PPP6C: variants seen among roughly 807,000 people sequenced by gnomAD.
PPP6C encodes serine/threonine-protein phosphatase 6 catalytic subunit.
PPP6C carries 11 observed loss-of-function variants against 39.8 expected under a neutral mutation model. The ratio of observed to expected loss-of-function variants is 0.28; its 90% CI spans 0.17 to 0.46. PPP6C has a LOEUF of 0.46. Among genes scored for constraint, PPP6C ranks in the 20% least tolerant of loss-of-function variants. PPP6C has a pLI of 1.00. For synonymous variants in PPP6C, 129 were observed against 130.3 expected, an observed-to-expected ratio of 0.99 and a Z score of 0.07; for missense variants, 211 against 373.9, an observed-to-expected ratio of 0.56 and a Z score of 3.59.
At chr9:125,187,440 T>C (rs1253372064) in intron 1 of PPP6C, among the ~76,000 whole-genome samples, 1 of 151,662 alleles carries the variant, frequency 6.6e-6, no homozygotes, top group Non-Finnish European at 1.5e-5. Flanking sequence ...CCTACCACCA[T>C]GCTCGGCTAA....
chr9:125,188,878 C>A, intron 1 of PPP6C: 1 of 1,499,664 alleles, frequency 6.7e-7, no homozygotes, highest in Non-Finnish European at 9.0e-7. Flanking sequence ...CCCATACATA[C>A]ATTTACTCTT....
chr9:125,171,460 TACACAC>T lies in PPP6C; in HGVS notation c.76-286_76-281del, dbSNP rs138335451. 6.3e-4 allele frequency among the ~76,000 whole-genome samples: 60 copies of T among 95,632 alleles called. 1 individual carries two copies. The highest frequency in any genetic ancestry group is 4.8e-3 in the East Asian group (17 of 3,554). The allele number at this position is 95,632 out of a possible 152,430, so 62.7% of individuals were successfully genotyped here. ...TTTTCACCAAACACACACACACATA[TACACAC>T]ACACACACACACATATATATATATA... On this transcript the variant is annotated intron_variant, in intron 1 of 6. Transcript: ENST00000373547.
intron 1 of PPP6C, among the ~76,000 whole-genome samples, chr9:125,179,479 TTCTAA>T (rs1024713352): frequency 6.6e-6 from 1 of 152,058 alleles, no homozygotes; most frequent in African/African-American, 2.4e-5. Context: ...CAGAGTTTTG[TTCTAA>T]CTCCTCTCCA....
chr9:125,152,913 G>GA (rs59385050), intron 6 of PPP6C, among the ~76,000 whole-genome samples: 134 of 141,502 alleles, frequency 9.5e-4, no homozygotes, highest in Middle Eastern at 3.6e-3. Flanking sequence ...AGGTCTTTGA[G>GA]AAAAAAAAAA....
rs1182479998 is a variant in PPP6C at position 125,146,940 on chromosome 9, A to T, written c.*2733T>A. ...CTGGTTCTGGGCTTACAAAGCACAC[A>T]CACACAAATCTTAATGCAATGAACA... is the stretch of plus-strand genomic sequence containing the variant. On this transcript the variant is annotated 3_prime_UTR_variant, in exon 7 of 7. Transcript: ENST00000373547. 1 of 152,212 alleles carries T rather than the reference A, an allele frequency of 6.6e-6. No individual in the cohort carries two copies. Among genetic ancestry groups the T allele is most frequent in the Non-Finnish European group, 1.5e-5 (1 of 68,032 alleles). The allele number at this position is 152,212 out of a possible 1,614,324, so 9.4% of individuals were successfully genotyped here. A position where few individuals can be genotyped will look rare whatever the true frequency, so the allele number is the denominator to read the frequency against.
chr9:125,158,309 G>A lies in PPP6C; in HGVS notation c.311C>T (p.Pro104Leu). The change falls in exon 4 of 7, where the codon CCT (proline) becomes CTT (leucine). Residue 104 changes from proline (P) to leucine (L), a missense_variant. Coordinates refer to ENST00000373547, the MANE Select transcript of PPP6C (RefSeq NM_002721.5). ...TYLLALKAKWPDRITLLRGNH... is the reference protein window; with the variant it reads ...TYLLALKAKWLDRITLLRGNH... ...TCCTCGCAAAAGTGTAATACGATCA[G>A]GCCATTTAGCCTTTAATGCAAGAAG... 6.2e-7 allele frequency: 1 copy of A among 1,611,526 alleles called. No homozygotes were observed. The highest frequency in any genetic ancestry group is 8.5e-7 in the Non-Finnish European group (1 of 1,177,724).
Position 125,172,740 on chromosome 9 carries a change from CACACACACACAA to C in PPP6C, c.76-1572_76-1561del, listed in dbSNP as rs1282130467. On this transcript the variant is annotated intron_variant, in intron 1 of 6. Coordinates refer to ENST00000373547, the MANE Select transcript of PPP6C (RefSeq NM_002721.5). ...ACACAAACACACACACACACACACA[CACACACACACAA>C]ACACACACACACACACACAAACACA... 9.0e-5 allele frequency among the ~76,000 whole-genome samples: 13 copies of C among 144,262 alleles called. 1 individual carries two copies. The South Asian group carries it at 2.3e-3, about 26-fold the overall frequency. The allele number at this position is 144,262 out of a possible 152,430, so 94.6% of individuals were successfully genotyped here.
At chr9:125,158,494 C>G in intron 3 of PPP6C, 112 bp from the exon 4 acceptor site, 1 of 1,071,450 alleles carries the variant, frequency 9.3e-7, no homozygotes, top group Non-Finnish European at 1.3e-6. Flanking sequence ...GAGTTACATA[C>G]TGAATTATTT....
chr9:125,161,604 C>G (rs2131311923), intron 2 of PPP6C, among the ~76,000 whole-genome samples: 1 of 152,176 alleles, frequency 6.6e-6, no homozygotes, highest in South Asian at 2.1e-4. Context: ...CCACCATGCC[C>G]AGCAAATTTT....
chr9:125,172,776 C>A (rs912339985), intron 1 of PPP6C, among the ~76,000 whole-genome samples: 2 of 150,966 alleles, frequency 1.3e-5, no homozygotes, highest in Non-Finnish European at 2.9e-5. Context: ...CACACAAACA[C>A]AAGTAAAACT....
chr9:125,149,546 A>AC lies in PPP6C; in HGVS notation c.*126_*127insG. ...AAATTTAGATAATTTAAAATTTAAA[A>AC]AAAAAAAGGCAAGAGGCAGCATTTC... is the stretch of plus-strand genomic sequence containing the variant. On this transcript the variant is annotated 3_prime_UTR_variant, in exon 7 of 7. Coordinates refer to ENST00000373547, the MANE Select transcript of PPP6C (RefSeq NM_002721.5). 1 of 1,168,738 alleles carries AC rather than the reference A, an allele frequency of 8.6e-7. No individual in the cohort carries two copies. The highest frequency in any genetic ancestry group is 1.2e-6 in the Non-Finnish European group (1 of 845,522). 72.4% of individuals were successfully genotyped at this position (1,168,738 alleles called of 1,614,324 possible). A position where few individuals can be genotyped will look rare whatever the true frequency, so the allele number is the denominator to read the frequency against.
chr9:125,176,644 G>GAGACCC (rs1564156345), intron 1 of PPP6C, among the ~76,000 whole-genome samples: 1 of 151,968 alleles, frequency 6.6e-6, no homozygotes, highest in Non-Finnish European at 1.5e-5. Flanking sequence ...GTCACAGAGC[G>GAGACCC]AGACCCTTTC....
chr9:125,163,448 T>G lies in PPP6C; in HGVS notation c.172-2542A>C, dbSNP rs560714193. 2.3e-4 allele frequency among the ~76,000 whole-genome samples: 35 copies of G among 152,352 alleles called. 1 individual carries two copies. The South Asian group carries it at 6.8e-3, about 30-fold the overall frequency. On this transcript the variant is annotated intron_variant, in intron 2 of 6. Transcript: ENST00000373547. ...ATGTTTTTTTGTTTTGTTTTGTTTT[T>G]TTGAGACAGTCTCACTCTGTTGCCC...
intron 6 of PPP6C, 69 bp from the exon 7 acceptor site, chr9:125,149,990 T>C (rs1835897843): frequency 6.5e-7 from 1 of 1,528,152 alleles, no homozygotes; most frequent in East Asian, 2.3e-5. Context: ...ATCATTTAAA[T>C]AAAATACCAA....
chr9:125,149,800 C>T lies in PPP6C; in HGVS notation c.791G>A (p.Arg264His). ...CATGATCGAAGCAATATTTCCACAA[C>T]GATAGCAGTAATTAGGAGCAGACCA... ...TVWSAPNYCY[R>H]CGNIASIMVF... The change falls in exon 7 of 7, where the codon CGT (arginine) becomes CAT (histidine). Residue 264 changes from arginine (R) to histidine (H), a missense_variant. Coordinates refer to ENST00000373547, the MANE Select transcript of PPP6C (RefSeq NM_002721.5). 1.2e-6 allele frequency: 2 copies of T among 1,614,176 alleles called. No individual in the cohort carries two copies. Among genetic ancestry groups the T allele is most frequent in the Non-Finnish European group, 1.7e-6 (2 of 1,180,036 alleles).
Position 125,153,728 on chromosome 9 carries a change from C to T in PPP6C, c.474G>A (p.Gln158=). 2 of 1,613,730 alleles carry T rather than the reference C, an allele frequency of 1.2e-6. No homozygotes were observed. The highest frequency in any genetic ancestry group is 1.7e-6 in the Non-Finnish European group (2 of 1,180,022). ...ATAAACCACCATGGACACACAAAATCTGCTCATCTATTAACTAGCAAAAAA... is the reference window on the plus strand; with the variant it reads ...ATAAACCACCATGGACACACAAAATTTGCTCATCTATTAACTAGCAAAAAA... ...MLTVAALIDE[Q]ILCVHGGLSP... Residue 158 remains glutamine (Q), a synonymous_variant, in exon 6 of 7, where the codon CAG becomes CAA. Coordinates refer to ENST00000373547, the MANE Select transcript of PPP6C (RefSeq NM_002721.5).
Position 125,157,228 on chromosome 9 carries a change from G to A in PPP6C, c.379+1013C>T, listed in dbSNP as rs566530700. ...ACTCCTGACCTCAGGTGATCCGCCC[G>A]CCTCGGCCTCCCAAAGTGCTGGGAT... On this transcript the variant is annotated intron_variant, in intron 4 of 6. Coordinates refer to ENST00000373547, the MANE Select transcript of PPP6C (RefSeq NM_002721.5). Among the ~76,000 whole-genome samples the A allele has an allele frequency of 1.3e-4, 20 of 149,990 alleles. No homozygotes were observed. The South Asian group carries it at 3.8e-3, about 29-fold the overall frequency.
intron 2 of PPP6C, among the ~76,000 whole-genome samples, chr9:125,163,072 CTG>C (rs1828922809): frequency 6.6e-6 from 1 of 151,398 alleles, no homozygotes; most frequent in African/African-American, 2.4e-5. Context: ...CAGCAAGACT[CTG>C]TCTCAAAAAA....
At chr9:125,168,636 T>C (rs1408752902) in intron 2 of PPP6C, among the ~76,000 whole-genome samples, 2 of 151,960 alleles carry the variant, frequency 1.3e-5, no homozygotes, top group Non-Finnish European at 2.9e-5. Flanking sequence ...TTTTTGTATT[T>C]TTAGTAGAGA....
Sources: gnomAD v4.1 joint callset for allele counts (sites outside exome capture counted in the v4.1 genomes callset) on GRCh38, gnomAD v4.1.1 for gene constraint, MANE v1.5 for transcripts, NCBI Gene and HGNC (gene_info 2026-07-23, HGNC 2026-07-21) for gene names.